The following GABRG2 variants were observed in gnomAD, a reference collection of about 807,000 sequenced individuals.
The protein encoded by GABRG2 is gamma-aminobutyric acid receptor subunit gamma-2.
GABRG2 carries 16 observed loss-of-function variants against 56.4 expected under a neutral mutation model. The observed-to-expected ratio is 0.28, with a 90% CI of 0.19 to 0.43. The LOEUF (loss-of-function observed/expected upper bound fraction) is 0.43, where lower values mean the gene tolerates loss of function less well. Among genes scored for constraint, GABRG2 ranks in the 20% least tolerant of loss-of-function variants. The pLI, the probability that GABRG2 is intolerant of heterozygous loss-of-function variation, is 1.00. For synonymous variants in GABRG2, 208 were observed against 205.5 expected, an observed-to-expected ratio of 1.01 and a Z score of -0.10; for missense variants, 327 against 582.7, an observed-to-expected ratio of 0.56 and a Z score of 4.52.
intron 8 of GABRG2, 166 bp from the exon 9 acceptor site, chr5:162,151,564 C>A: frequency 1.7e-6 from 1 of 597,126 alleles, no homozygotes; most frequent in Non-Finnish European, 2.9e-6. Context: ...AATACTTTAT[C>A]CCAAGCTCAG....
chr5:162,105,906 G>A (rs1761792320), intron 6 of GABRG2, among the ~76,000 whole-genome samples: 1 of 151,722 alleles, frequency 6.6e-6, no homozygotes, highest in Non-Finnish European at 1.5e-5. Flanking sequence ...ATTAAGTTCT[G>A]TTGTATATTC....
At chr5:162,092,239 C>G (rs209357) in intron 1 of GABRG2, among the ~76,000 whole-genome samples, 79,713 of 151,736 alleles carry the variant, frequency 0.53, 21,127 homozygotes, top group Admixed American at 0.58. Flanking sequence ...GCTGACAGAA[C>G]CATTGCCCAG....
At chr5:162,075,025 A>C (rs1384729819) in intron 1 of GABRG2, among the ~76,000 whole-genome samples, 2 of 152,130 alleles carry the variant, frequency 1.3e-5, no homozygotes, top group African/African-American at 4.8e-5. Flanking sequence ...CTATTGCTAA[A>C]CAAATAACCC....
At chr5:162,112,586 T>G (rs917189863) in intron 6 of GABRG2, among the ~76,000 whole-genome samples, 7 of 152,234 alleles carry the variant, frequency 4.6e-5, no homozygotes, top group Non-Finnish European at 5.9e-5. Flanking sequence ...AGATACGCAC[T>G]TTTAAGCATA....
chr5:162,143,828 G>T (rs1175818697), intron 7 of GABRG2, among the ~76,000 whole-genome samples: 1 of 152,190 alleles, frequency 6.6e-6, no homozygotes, highest in Non-Finnish European at 1.5e-5. Flanking sequence ...CCTCAGAAAT[G>T]TTGGCTACTA....
At chr5:162,094,916 T>C (rs1760884963) in intron 2 of GABRG2, among the ~76,000 whole-genome samples, 1 of 152,146 alleles carries the variant, frequency 6.6e-6, no homozygotes, top group African/African-American at 2.4e-5. Flanking sequence ...TCATATTATC[T>C]GTGGTATCAC....
intron 6 of GABRG2, among the ~76,000 whole-genome samples, chr5:162,129,424 A>C (rs1396301196): frequency 1.3e-5 from 2 of 152,012 alleles, no homozygotes; most frequent in Non-Finnish European, 2.9e-5. Flanking sequence ...ACTGTAATAC[A>C]CAACTAGATT....
intron 6 of GABRG2, among the ~76,000 whole-genome samples, chr5:162,131,446 A>C (rs1489510905): frequency 1.3e-5 from 2 of 152,006 alleles, no homozygotes; most frequent in Non-Finnish European, 2.9e-5. Flanking sequence ...TATTACTTAG[A>C]AACATCACTT....
intron 1 of GABRG2, among the ~76,000 whole-genome samples, chr5:162,079,147 A>T (rs1015431143): frequency 6.6e-6 from 1 of 152,150 alleles, no homozygotes; most frequent in African/African-American, 2.4e-5. Context: ...CTTGTGGTCA[A>T]CAGGCCATTT....
At chr5:162,114,317 T>C (rs894943038) in intron 6 of GABRG2, among the ~76,000 whole-genome samples, 1 of 152,104 alleles carries the variant, frequency 6.6e-6, no homozygotes, top group African/African-American at 2.4e-5. Flanking sequence ...TGGAAAGCAA[T>C]GTGTAGGTGT....
chr5:162,090,468 C>T (rs567096936), intron 1 of GABRG2, among the ~76,000 whole-genome samples: 42 of 151,986 alleles, frequency 2.8e-4, no homozygotes, highest in Non-Finnish European at 5.3e-4. Context: ...ATTCTGATTC[C>T]GGGGTCTGGG....
chr5:162,106,406 G>T (rs547449175), intron 6 of GABRG2, among the ~76,000 whole-genome samples: 61 of 152,168 alleles, frequency 4.0e-4, no homozygotes, highest in Middle Eastern at 3.4e-3. Context: ...ACGAGAAAGG[G>T]CTGAATTGAA....
At chr5:162,137,631 T>C (rs1764231573) in intron 6 of GABRG2, among the ~76,000 whole-genome samples, 1 of 152,210 alleles carries the variant, frequency 6.6e-6, no homozygotes, top group Admixed American at 6.5e-5. Flanking sequence ...TGAATTCTTA[T>C]TTATTTTGGA....
At chr5:162,151,664 T>C in intron 8 of GABRG2, 66 bp from the exon 9 acceptor site, 1 of 1,342,912 alleles carries the variant, frequency 7.4e-7, no homozygotes, top group Admixed American at 1.9e-5. Flanking sequence ...TCTCTTTTTT[T>C]TTCATTTTTT....
In GABRG2 at chr5:162,129,988, G is replaced by T. The variant is rs114298668; in HGVS notation, c.770-12176G>T. Among the ~76,000 whole-genome samples, 397 of 152,000 alleles carry T rather than the reference G, an allele frequency of 2.6e-3. 2 individuals are homozygous for T. The highest frequency in any genetic ancestry group is 9.1e-3 in the African/African-American group (378 of 41,516). On this transcript the variant is annotated intron_variant, in intron 6 of 9. Coordinates refer to ENST00000639213, the MANE Select transcript of GABRG2 (RefSeq NM_198904.4). ...CAAAGTCACATATAGGCAGGAATTGGAAGCTAGGTCTGCTGACTTTGAATC... is the reference window on the plus strand; with the variant it reads ...CAAAGTCACATATAGGCAGGAATTGTAAGCTAGGTCTGCTGACTTTGAATC...
At chr5:162,112,311 C>T (rs945722921) in intron 6 of GABRG2, among the ~76,000 whole-genome samples, 1 of 151,688 alleles carries the variant, frequency 6.6e-6, no homozygotes, top group Non-Finnish European at 1.5e-5. Flanking sequence ...GCTGAAAATC[C>T]TATTTTGCTA....
At chr5:162,151,589 G>A (rs1765374567) in intron 8 of GABRG2, 141 bp from the exon 9 acceptor site, 4 of 715,150 alleles carry the variant, frequency 5.6e-6, no homozygotes, top group South Asian at 3.7e-5. Flanking sequence ...CTCCTTCTGT[G>A]TTTATAATTT....
chr5:162,102,114 G>A (rs1761466581), intron 5 of GABRG2: 1 of 160,014 alleles, frequency 6.2e-6, no homozygotes, highest in Admixed American at 6.0e-5. Flanking sequence ...AGTAATCACA[G>A]TTTGAAAAAC....
At chr5:162,088,628 T>C (rs1760316347) in intron 1 of GABRG2, among the ~76,000 whole-genome samples, 1 of 152,140 alleles carries the variant, frequency 6.6e-6, no homozygotes, top group Non-Finnish European at 1.5e-5. Context: ...GAAAATGAGC[T>C]GGAACAATCA....
Sources: gnomAD v4.1 joint callset for allele counts (sites outside exome capture counted in the v4.1 genomes callset) on GRCh38, gnomAD v4.1.1 for gene constraint, MANE v1.5 for transcripts, NCBI Gene and HGNC (gene_info 2026-07-23, HGNC 2026-07-21) for gene names.